The following CAST variants were observed in gnomAD, a reference collection of about 807,000 sequenced individuals.
CAST encodes the protein MIR583 host.
A neutral mutation model predicts 119.6 loss-of-function variants in CAST; 76 were observed. The observed-to-expected ratio is 0.64, with a 90% CI of 0.53 to 0.77. CAST has a LOEUF of 0.77. Ranked by LOEUF, CAST falls within the 30% of genes least tolerant of loss-of-function variation. The pLI, the probability that CAST is intolerant of heterozygous loss-of-function variation, is 0.00. For synonymous variants in CAST, 319 were observed against 331.6 expected, an observed-to-expected ratio of 0.96 and a Z score of 0.41; for missense variants, 953 against 946.5, an observed-to-expected ratio of 1.01 and a Z score of -0.09.
intron 1 of CAST, among the ~76,000 whole-genome samples, chr5:96,570,648 G>T (rs1179761790): frequency 6.6e-6 from 1 of 152,134 alleles, no homozygotes; most frequent in Non-Finnish European, 1.5e-5. Context: ...TGTAGAGTGT[G>T]CCCTATAGCG....
At chr5:96,480,851 T>C in the CAST span, among the ~76,000 whole-genome samples, 1 of 152,068 alleles carries the variant, frequency 6.6e-6, no homozygotes, top group South Asian at 2.1e-4. Flanking sequence ...TAAGCCAAAT[T>C]AGGGAGAGAA....
the CAST span, among the ~76,000 whole-genome samples, chr5:96,477,301 C>T: frequency 4.5e-5 from 6 of 132,870 alleles, no homozygotes; most frequent in East Asian, 7.4e-4. Flanking sequence ...TATGCACGCA[C>T]GCGTGCACAC....
intron 4 of CAST, 76 bp downstream of exon 4, chr5:96,722,774 G>A (rs897816574): frequency 2.0e-6 from 2 of 1,014,236 alleles, no homozygotes; most frequent in Non-Finnish European, 3.2e-6. Context: ...TAGACTAATT[G>A]TTGATGATGA....
At chr5:96,689,753 T>A (rs1157270648) in intron 2 of CAST, among the ~76,000 whole-genome samples, 4 of 152,224 alleles carry the variant, frequency 2.6e-5, no homozygotes, top group Admixed American at 6.5e-5. Flanking sequence ...CCGATACTCA[T>A]CATAAAATTA....
upstream of CAST, among the ~76,000 whole-genome samples, chr5:96,522,059 C>T (rs12514158): frequency 0.55 from 83,470 of 151,630 alleles, 23,195 homozygotes; most frequent in South Asian, 0.6. Context: ...GAGCTTGCAG[C>T]GAGCCGAGCT....
the CAST span, among the ~76,000 whole-genome samples, chr5:96,155,053 T>G: frequency 6.6e-6 from 1 of 152,202 alleles, no homozygotes. Flanking sequence ...ATGGATCTCT[T>G]TTTCCCCAAG....
upstream of CAST, among the ~76,000 whole-genome samples, chr5:96,657,868 G>A (rs551259263): frequency 1.3e-5 from 2 of 152,156 alleles, no homozygotes; most frequent in East Asian, 1.9e-4. Context: ...AGGCCGAGGC[G>A]AGTGGATCAC....
At chr5:96,736,947 C>G (rs1409171569) in intron 10 of CAST, among the ~76,000 whole-genome samples, 1 of 152,144 alleles carries the variant, frequency 6.6e-6, no homozygotes, top group Non-Finnish European at 1.5e-5. Context: ...AGGAAACTTA[C>G]AATCATGCTG....
the CAST span, among the ~76,000 whole-genome samples, chr5:96,036,119 A>G: frequency 6.6e-6 from 1 of 150,598 alleles, no homozygotes; most frequent in Non-Finnish European, 1.5e-5. Flanking sequence ...TGTATAATAT[A>G]TTTTACCTTT....
At chr5:96,636,163 CTA>C (rs1226369729) in intron 1 of CAST, among the ~76,000 whole-genome samples, 2 of 152,196 alleles carry the variant, frequency 1.3e-5, no homozygotes, top group African/African-American at 4.8e-5. Flanking sequence ...AGTAAGCACT[CTA>C]TAGAAGCTAA....
chr5:95,992,855 T>TA, the CAST span, among the ~76,000 whole-genome samples: 3 of 152,134 alleles, frequency 2.0e-5, no homozygotes, highest in South Asian at 2.1e-4. Flanking sequence ...AAAGTTTATT[T>TA]AAAAAAATTG....
chr5:96,422,814 AT>A, the CAST span, among the ~76,000 whole-genome samples: 2 of 152,130 alleles, frequency 1.3e-5, no homozygotes, highest in South Asian at 4.1e-4. Context: ...TTATTTATTT[AT>A]TTTCCCATTT....
chr5:96,366,044 A>G, the CAST span, among the ~76,000 whole-genome samples: 109,500 of 152,050 alleles, frequency 0.72, 40,678 homozygotes, highest in African/African-American at 0.91. Flanking sequence ...ATCTCTCAGC[A>G]TTTGCTTGTC....
At chr5:96,366,297 T>G in the CAST span, among the ~76,000 whole-genome samples, 1 of 152,180 alleles carries the variant, frequency 6.6e-6, no homozygotes, top group Admixed American at 6.5e-5. Flanking sequence ...AATCTGACGA[T>G]TATATGTCTT....
chr5:96,217,477 G>A, the CAST span, among the ~76,000 whole-genome samples: 39 of 152,068 alleles, frequency 2.6e-4, no homozygotes, highest in East Asian at 5.0e-3. Context: ...ATTTGGTGCC[G>A]CTCCCTTGAT....
intron 1 of CAST, among the ~76,000 whole-genome samples, chr5:96,588,204 T>TTC (rs1318372328): frequency 2.4e-5 from 3 of 124,416 alleles, no homozygotes; most frequent in African/African-American, 9.6e-5. Context: ...TTCTTTTTTT[T>TTC]TTTTTTTTTT....
At chr5:96,534,941 G>GAGAA (rs148591134) in intron 1 of CAST, among the ~76,000 whole-genome samples, 90,253 of 147,386 alleles carry the variant, frequency 0.61, 28,210 homozygotes, top group East Asian at 0.84. Context: ...AAGAAAGAAA[G>GAGAA]AGAAAGGGAA....
chr5:96,300,834 A>ATTTTT, the CAST span, among the ~76,000 whole-genome samples: 1 of 52,456 alleles, frequency 1.9e-5, no homozygotes, highest in Admixed American at 1.9e-4. Context: ...ATTCCTAAGC[A>ATTTTT]TTTTTTTTTT....
the CAST span, among the ~76,000 whole-genome samples, chr5:96,387,114 G>A: frequency 5.9e-5 from 9 of 152,180 alleles, no homozygotes; most frequent in African/African-American, 1.9e-4. Flanking sequence ...GAGGTAACCC[G>A]CTCAATGGCA....
Sources: gnomAD v4.1 joint callset for allele counts (sites outside exome capture counted in the v4.1 genomes callset) on GRCh38, gnomAD v4.1.1 for gene constraint, MANE v1.5 for transcripts, NCBI Gene and HGNC (gene_info 2026-07-23, HGNC 2026-07-21) for gene names.